Variants in SRGAP2 observed in about 807,000 individuals in gnomAD.
SRGAP2 encodes SLIT-ROBO Rho GTPase activating protein 2.
In SRGAP2, 15 loss-of-function variants were observed where a neutral mutation model predicts 57.2. The observed-to-expected ratio is 0.26, with a 90% CI of 0.18 to 0.40. The LOEUF is 0.40. Ranked by LOEUF, SRGAP2 falls within the 10% of genes least tolerant of loss-of-function variation. The pLI, the probability that SRGAP2 is intolerant of heterozygous loss-of-function variation, is 1.00. For synonymous variants in SRGAP2, 249 were observed against 248.0 expected, an observed-to-expected ratio of 1.00 and a Z score of -0.04; for missense variants, 520 against 669.6, an observed-to-expected ratio of 0.78 and a Z score of 2.47.
intron 21 of SRGAP2, among the ~76,000 whole-genome samples, chr1:206,458,187 C>T (rs1663992805): frequency 6.6e-6 from 1 of 152,178 alleles, no homozygotes; most frequent in South Asian, 2.1e-4. Context: ...GAAAAAGAGT[C>T]ATGCTAAAAT....
intron 10 of SRGAP2, among the ~76,000 whole-genome samples, chr1:206,413,925 A>G (rs1659438386): frequency 6.6e-6 from 1 of 152,226 alleles, no homozygotes. Flanking sequence ...TTTGTTTTTA[A>G]ACAAGAGAGA....
At chr1:206,313,166 G>A (rs1411898090) in intron 3 of SRGAP2, among the ~76,000 whole-genome samples, 2 of 140,894 alleles carry the variant, frequency 1.4e-5, no homozygotes, top group Non-Finnish European at 1.5e-5. Flanking sequence ...TCTTTTCAGC[G>A]TTTCTCCCAG....
intron 4 of SRGAP2, among the ~76,000 whole-genome samples, chr1:206,367,893 C>T (rs1173859277): frequency 1.3e-5 from 2 of 151,910 alleles, no homozygotes; most frequent in Admixed American, 1.3e-4. Context: ...TAATAAGAGC[C>T]TGAGATGTGG....
intron 11 of SRGAP2, among the ~76,000 whole-genome samples, chr1:206,418,926 G>GTGTGTGTGTGTGTT (rs1660034466): frequency 6.6e-6 from 1 of 150,434 alleles, no homozygotes; most frequent in Non-Finnish European, 1.5e-5. Flanking sequence ...GTGTGTGTGT[G>GTGTGTGTGTGTGTT]TGTGTGTGTG....
chr1:206,392,085 A>T (rs1436542194), intron 5 of SRGAP2, among the ~76,000 whole-genome samples: 2 of 152,194 alleles, frequency 1.3e-5, no homozygotes, highest in Non-Finnish European at 2.9e-5. Flanking sequence ...CCAGGAATAT[A>T]CTAAGTGCTC....
At chr1:206,273,670 A>C (rs2102662774) in intron 2 of SRGAP2, among the ~76,000 whole-genome samples, 1 of 149,698 alleles carries the variant, frequency 6.7e-6, no homozygotes, top group African/African-American at 2.5e-5. Flanking sequence ...CCCCAGAGCA[A>C]CCCTTGAGGA....
chr1:206,413,255 G>A (rs1437133575), intron 10 of SRGAP2, among the ~76,000 whole-genome samples: 2 of 152,160 alleles, frequency 1.3e-5, no homozygotes, highest in Non-Finnish European at 2.9e-5. Context: ...AGTCTCCTGG[G>A]ATAACCTTCC....
intron 18 of SRGAP2, among the ~76,000 whole-genome samples, chr1:206,449,286 ATT>A (rs35698284): frequency 0.013 from 1,424 of 110,648 alleles, 6 homozygotes; most frequent in South Asian, 0.029. Flanking sequence ...ACACTGGATG[ATT>A]TTTTTTTTTT....
intron 2 of SRGAP2, among the ~76,000 whole-genome samples, chr1:206,218,183 C>T (rs1666774504): frequency 6.6e-6 from 1 of 151,710 alleles, no homozygotes; most frequent in East Asian, 1.9e-4. Context: ...GTGGCGGGTG[C>T]CTGTAATTTA....
chr1:206,385,685 G>A (rs368830484), intron 5 of SRGAP2, among the ~76,000 whole-genome samples: 1,926 of 151,906 alleles, frequency 0.013, 24 homozygotes, highest in South Asian at 0.027. Context: ...GTGAAAGGGC[G>A]TAAGCTGTGT....
intron 4 of SRGAP2, among the ~76,000 whole-genome samples, chr1:206,358,517 C>T (rs1326178436): frequency 6.6e-6 from 1 of 151,808 alleles, no homozygotes; most frequent in Non-Finnish European, 1.5e-5. Flanking sequence ...CTTCTGCCCA[C>T]ATAAGCATTG....
intron 21 of SRGAP2, 156 bp downstream of exon 21, chr1:206,455,180 GA>G (rs1384965147): frequency 2.8e-6 from 2 of 707,026 alleles, no homozygotes; most frequent in Non-Finnish European, 5.2e-6. Flanking sequence ...CTGCAAGGCG[GA>G]CAGGGCTGAG....
At chr1:206,440,655 C>G (rs1662209647) in intron 17 of SRGAP2, among the ~76,000 whole-genome samples, 2 of 151,836 alleles carry the variant, frequency 1.3e-5, no homozygotes, top group Admixed American at 6.6e-5. Context: ...TCAAGCGATT[C>G]TCCTGCCTCA....
At position 206,227,716 on chromosome 1, in the gene SRGAP2, A is replaced by G. The variant is rs367969524; in HGVS notation, c.67+21679A>G. Among the ~76,000 whole-genome samples the G allele has an allele frequency of 6.6e-4, 100 of 152,172 alleles. 1 individual carries two copies. In the East Asian group the frequency reaches 0.016, roughly 24 times the overall value. ...CTTTGCTGTTGGTGTATTCCTATTCATGAGTTAAATCCCAAACAAAACATA... is the reference window on the plus strand; with the variant it reads ...CTTTGCTGTTGGTGTATTCCTATTCGTGAGTTAAATCCCAAACAAAACATA... On this transcript the variant is annotated intron_variant, in intron 2 of 22. Coordinates refer to ENST00000573034, the MANE Select transcript of SRGAP2 (RefSeq NM_015326.5).
intron 2 of SRGAP2, among the ~76,000 whole-genome samples, chr1:206,278,828 G>A (rs1406166080): frequency 1.4e-5 from 2 of 145,322 alleles, no homozygotes; most frequent in Non-Finnish European, 3.0e-5. Flanking sequence ...TTAAGGTGGA[G>A]CCCTAAGTGT....
At chr1:206,306,746 A>G (rs1672230168) in intron 3 of SRGAP2, among the ~76,000 whole-genome samples, 1 of 152,186 alleles carries the variant, frequency 6.6e-6, no homozygotes, top group African/African-American at 2.4e-5. Flanking sequence ...TTTGACACAC[A>G]GGTTCTCTAA....
chr1:206,230,834 G>T (rs1316160349), intron 2 of SRGAP2, among the ~76,000 whole-genome samples: 17 of 144,100 alleles, frequency 1.2e-4, no homozygotes, highest in Non-Finnish European at 2.1e-4. Context: ...CACCATATTG[G>T]CCAGGCTGGT....
At chr1:206,435,031 A>C (rs1553369512) in intron 14 of SRGAP2, among the ~76,000 whole-genome samples, 2 of 152,190 alleles carry the variant, frequency 1.3e-5, no homozygotes, top group African/African-American at 4.8e-5. Flanking sequence ...TCCCATTTGT[A>C]ACTAGTATTA....
At chr1:206,307,191 G>C (rs1228601811) in intron 3 of SRGAP2, among the ~76,000 whole-genome samples, 6 of 151,572 alleles carry the variant, frequency 4.0e-5, no homozygotes, top group Non-Finnish European at 7.4e-5. Context: ...ATAGAGTGCC[G>C]ATTGGTGTAT....
Sources: gnomAD v4.1 joint callset for allele counts (sites outside exome capture counted in the v4.1 genomes callset) on GRCh38, gnomAD v4.1.1 for gene constraint, MANE v1.5 for transcripts, NCBI Gene and HGNC (gene_info 2026-07-23, HGNC 2026-07-21) for gene names.